CACNA1D: variants seen among roughly 807,000 people sequenced by gnomAD.
CACNA1D encodes the protein calcium voltage-gated channel subunit alpha1 D.
Under a neutral mutation model 257.1 loss-of-function variants are expected in CACNA1D, and 55 were observed. That is an observed-to-expected ratio of 0.21 (90% CI 0.17 to 0.27). The LOEUF is 0.27. Ranked by LOEUF, CACNA1D falls within the 10% of genes least tolerant of loss-of-function variation. The pLI, the probability that CACNA1D is intolerant of heterozygous loss-of-function variation, is 1.00. For missense variants in CACNA1D, 1,876 were observed against 2,784.0 expected (o/e 0.67, Z 7.34); for synonymous variants, 980 against 1,014.9 (o/e 0.97, Z 0.65).
At chr3:53,722,593 C>A in intron 12 of CACNA1D, 119 bp downstream of exon 12, 2 of 1,068,936 alleles carry the variant, frequency 1.9e-6, no homozygotes, top group Non-Finnish European at 2.9e-6. Context: ...CTAGTGAGGA[C>A]AAACTTGGTA....
chr3:53,687,509 C>CT (rs1240039496), intron 8 of CACNA1D, among the ~76,000 whole-genome samples: 1 of 128,002 alleles, frequency 7.8e-6, no homozygotes. Context: ...AAAGGATACT[C>CT]TTTTTAGTTA....
chr3:53,589,331 G>A (rs111687927), intron 3 of CACNA1D, among the ~76,000 whole-genome samples: 1,630 of 152,160 alleles, frequency 0.011, 35 homozygotes, highest in African/African-American at 0.037. Context: ...TATGTGTCTC[G>A]CCTGGGGTGA....
chr3:53,565,401 T>C (rs949284933), intron 3 of CACNA1D, among the ~76,000 whole-genome samples: 6 of 152,190 alleles, frequency 3.9e-5, no homozygotes, highest in African/African-American at 1.4e-4. Context: ...GTCATTGCTA[T>C]TGTATTGACT....
At chr3:53,520,894 CT>C (rs369260947) in intron 3 of CACNA1D, among the ~76,000 whole-genome samples, 37,102 of 101,278 alleles carry the variant, frequency 0.37, 5,264 homozygotes, top group African/African-American at 0.45. Flanking sequence ...TTCTTTCTTT[CT>C]TTTCTTTTCT....
intron 3 of CACNA1D, among the ~76,000 whole-genome samples, chr3:53,566,884 C>T (rs2092852297): frequency 6.6e-6 from 1 of 152,210 alleles, no homozygotes; most frequent in African/African-American, 2.4e-5. Flanking sequence ...CTACTGTCAC[C>T]CCTGCTGTTT....
chr3:53,590,718 C>G (rs2093291394), intron 3 of CACNA1D, among the ~76,000 whole-genome samples: 2 of 152,204 alleles, frequency 1.3e-5, no homozygotes, highest in Non-Finnish European at 2.9e-5. Flanking sequence ...CTAGGTGAGC[C>G]TGGGCGGCCG....
intron 3 of CACNA1D, among the ~76,000 whole-genome samples, chr3:53,609,939 G>A (rs1260476154): frequency 6.6e-6 from 1 of 152,056 alleles, no homozygotes; most frequent in Non-Finnish European, 1.5e-5. Context: ...TTTTTGGTAT[G>A]TTGCATATTA....
Position 53,801,333 on chromosome 3 carries a change from C to T in CACNA1D, c.5316C>T (p.Pro1772=), listed in dbSNP as rs1474612217. ...NMSKAAHGKR[P]SIGNLEHVSE... is the part of the protein sequence containing the mutation. ...CCAAAGCTGCCCATGGAAAGCGGCC[C>T]AGCATTGGGAACCTTGAGCATGTGT... The change falls in exon 42 of 48, where the codon CCC becomes CCT. Residue 1772 remains proline (P), a synonymous_variant. Coordinates refer to ENST00000350061, the MANE Select transcript of CACNA1D (RefSeq NM_001128840.3). 1.2e-6 allele frequency: 2 copies of T among 1,614,160 alleles called. No individual in the cohort carries two copies. The highest frequency in any genetic ancestry group is 1.3e-5 in the African/African-American group (1 of 75,048).
At chr3:53,502,693 G>T (rs978189286) in intron 3 of CACNA1D, among the ~76,000 whole-genome samples, 7 of 152,088 alleles carry the variant, frequency 4.6e-5, no homozygotes, top group African/African-American at 1.7e-4. Context: ...GGAGGATTGG[G>T]TAAGAAGATT....
intron 21 of CACNA1D, 120 bp from the exon 22 acceptor site, chr3:53,742,891 C>T: frequency 1.3e-6 from 1 of 756,252 alleles, no homozygotes. Flanking sequence ...GTTTACATTT[C>T]TGACTTCTTA....
intron 3 of CACNA1D, among the ~76,000 whole-genome samples, chr3:53,549,268 C>T (rs1575829371): frequency 6.6e-6 from 1 of 152,202 alleles, no homozygotes; most frequent in East Asian, 1.9e-4. Flanking sequence ...GGTCTAATTG[C>T]TTCAAACTTG....
intron 22 of CACNA1D, among the ~76,000 whole-genome samples, chr3:53,743,937 C>A (rs1346974127): frequency 6.6e-6 from 1 of 152,106 alleles, no homozygotes; most frequent in Admixed American, 6.5e-5. Context: ...ACTGAGGGAA[C>A]CCTGTGATCA....
Position 53,811,216 on chromosome 3 carries a change from T to C in CACNA1D, c.6296T>C (p.Met2099Thr). 6.2e-7 allele frequency: 1 copy of C among 1,614,108 alleles called. No homozygotes were observed. The highest frequency in any genetic ancestry group is 8.5e-7 in the Non-Finnish European group (1 of 1,180,024). ...ADACDLTIDE[M>T]ESAASTLLNG... ...GCCTGTGACCTCACCATCGACGAGA[T>C]GGAGAGTGCAGCCAGCACCCTGCTT... Residue 2099 changes from methionine to threonine, a missense_variant, in exon 48 of 48, where the codon ATG becomes ACG. By Grantham distance (81) the Met-to-Thr change is moderately conservative. Coordinates refer to ENST00000350061, the MANE Select transcript of CACNA1D (RefSeq NM_001128840.3). This position sits in a 1 kb window ranked among gnomAD's most constrained non-coding sequence, Gnocchi z 4.2.
rs114525412 is a variant in CACNA1D at position 53,568,494 on chromosome 3, C to G, written c.483+66774C>G. On this transcript the variant is annotated intron_variant, in intron 3 of 47. Coordinates refer to ENST00000350061, the MANE Select transcript of CACNA1D (RefSeq NM_001128840.3). ...TCTCAAAAGCGCCCACTGCCACATC[C>G]CCCTGCCTACTCTTCTGTCCACAGA... 6.9e-3 allele frequency among the ~76,000 whole-genome samples: 1,054 copies of G among 152,324 alleles called. 18 individuals are homozygous for G. Among genetic ancestry groups the G allele is most frequent in the African/African-American group, 0.024 (1,014 of 41,570 alleles).
At chr3:53,594,798 G>T (rs951083077) in intron 3 of CACNA1D, among the ~76,000 whole-genome samples, 24 of 152,214 alleles carry the variant, frequency 1.6e-4, no homozygotes, top group Admixed American at 1.1e-3. Flanking sequence ...GTGTGTATGT[G>T]GCAGCCACTG....
intron 3 of CACNA1D, among the ~76,000 whole-genome samples, chr3:53,515,473 G>A (rs866409860): frequency 1.1e-4 from 16 of 152,198 alleles, no homozygotes; most frequent in Non-Finnish European, 1.6e-4. Flanking sequence ...CCTCACAGCA[G>A]CCTTGTGAAC....
At chr3:53,565,631 T>G (rs868803881) in intron 3 of CACNA1D, among the ~76,000 whole-genome samples, 3 of 152,182 alleles carry the variant, frequency 2.0e-5, no homozygotes, top group African/African-American at 7.2e-5. Context: ...GAAAATATAC[T>G]GAGGAACTTC....
chr3:53,607,924 T>C (rs2093533531), intron 3 of CACNA1D, among the ~76,000 whole-genome samples: 1 of 152,246 alleles, frequency 6.6e-6, no homozygotes, highest in African/African-American at 2.4e-5. Context: ...TCTTGATTAA[T>C]GTAGCTTTAT....
rs918254854 is a variant in CACNA1D at position 53,800,714 on chromosome 3, T to C, written c.5041-344T>C. ...CGGGCCAGCTCTTTGATCTGCCAGC[T>C]GGCTGTCAGTCCCCCAGCCCAGAGA... On this transcript the variant is annotated intron_variant, in intron 41 of 47. Transcript: ENST00000350061. The surrounding 1 kb of genome is among the most constrained non-coding windows in gnomAD (Gnocchi z 4.3). The C allele has an allele frequency of 1.2e-5, 6 of 494,958 alleles. No homozygotes were observed. Among genetic ancestry groups the C allele is most frequent in the African/African-American group, 1.2e-4 (6 of 51,586 alleles). 30.7% of individuals were successfully genotyped at this position (494,958 alleles called of 1,614,324 possible).
Sources: allele counts gnomAD v4.1 joint callset (sites outside exome capture counted in the v4.1 genomes callset), GRCh38; gene constraint gnomAD v4.1.1; non-coding constraint Gnocchi (gnomAD v3.1); transcripts MANE v1.5; gene names NCBI Gene and HGNC (gene_info 2026-07-23, HGNC 2026-07-21).